The following PDGFA variants were observed in gnomAD, a reference collection of about 807,000 sequenced individuals.
PDGFA encodes the protein platelet-derived growth factor subunit A.
PDGFA carries 9 observed loss-of-function variants against 25.6 expected under a neutral mutation model. That is an observed-to-expected ratio of 0.35 (90% CI 0.21 to 0.61). The LOEUF (loss-of-function observed/expected upper bound fraction) is 0.61. Ranked by LOEUF, PDGFA falls within the 20% of genes least tolerant of loss-of-function variation. The pLI is 0.75. For synonymous variants in PDGFA, 133 were observed against 111.8 expected (o/e 1.19, Z -1.20); for missense variants, 242 against 272.8 (o/e 0.89, Z 0.79).
At position 512,277 on chromosome 7, in the gene PDGFA, G is replaced by T. The variant is rs1435243079; in HGVS notation, c.265+74C>A. 5.8e-6 allele frequency: 8 copies of T among 1,389,146 alleles called. No homozygotes were observed. The East Asian group carries it at 1.9e-4, about 33-fold the overall frequency. The allele number at this position is 1,389,146 out of a possible 1,614,324, so 86.1% of individuals were successfully genotyped here. ...GGGCAGCTCCTCCCCACCCGGCCCT[G>T]CCCTGCCCATCGCGGCCTCCTGGAC... On this transcript the variant is annotated intron_variant, in intron 3 of 5. Coordinates refer to ENST00000402802, the Ensembl canonical transcript of PDGFA.
chr7:513,747 G>C (rs903580914), intron 2 of PDGFA, among the ~76,000 whole-genome samples: 4 of 152,018 alleles, frequency 2.6e-5, no homozygotes, highest in Non-Finnish European at 5.9e-5. Flanking sequence ...CAAACCAACC[G>C]GAGAAACCTC....
exon 6 of PDGFA, chr7:497,960 A>C (rs1461551979): frequency 1.9e-3 from 159 of 81,724 alleles, no homozygotes; most frequent in African/African-American, 3.0e-3. Context: ...AAAAAAAAAC[A>C]AAAAAAAAAA....
At chr7:508,104 C>T (rs946443972) in intron 4 of PDGFA, among the ~76,000 whole-genome samples, 12 of 152,116 alleles carry the variant, frequency 7.9e-5, no homozygotes, top group Non-Finnish European at 1.6e-4. Flanking sequence ...AGTGCCCGGT[C>T]GTGTGACGAG....
rs1783178926 is a variant in PDGFA at position 517,823 on chromosome 7, G to A, written c.64-333C>T. ...CAGAAGGTCTAGGGGGCAGCGAGGG[G>A]GCCGAAAGTTTCTGATTTAATAGTG... On this transcript the variant is annotated intron_variant, in intron 1 of 5. Coordinates refer to ENST00000402802, the Ensembl canonical transcript of PDGFA. The surrounding 1 kb of genome is among the most constrained non-coding windows in gnomAD (Gnocchi z 7.4). Among the ~76,000 whole-genome samples, 1 of 152,038 alleles carries A rather than the reference G, an allele frequency of 6.6e-6. No homozygotes were observed. Among genetic ancestry groups the A allele is most frequent in the African/African-American group, 2.4e-5 (1 of 41,388 alleles).
chr7:517,602 GCCGC>G lies in PDGFA; in HGVS notation c.64-116_64-113del, dbSNP rs1783168936. On this transcript the variant is annotated intron_variant, in intron 1 of 5. Coordinates refer to ENST00000402802, the Ensembl canonical transcript of PDGFA. This position sits in a 1 kb window ranked among gnomAD's most constrained non-coding sequence, Gnocchi z 7.4. ...GCCCGAGGAGACCCCGCGAGCGCCGGCCGCAGTCCCCGCCCCAGCCCCCGCGGAG... is the reference window on the plus strand; with the variant it reads ...GCCCGAGGAGACCCCGCGAGCGCCGGAGTCCCCGCCCCAGCCCCCGCGGAG... 1.0e-5 allele frequency: 2 copies of G among 199,398 alleles called. No individual in the cohort carries two copies. The highest frequency in any genetic ancestry group is 3.1e-4 in the South Asian group (2 of 6,496). The allele number at this position is 199,398 out of a possible 1,614,324, so 12.4% of individuals were successfully genotyped here.
intron 4 of PDGFA, among the ~76,000 whole-genome samples, chr7:507,238 G>A (rs527377265): frequency 2.0e-5 from 3 of 152,236 alleles, no homozygotes; most frequent in Non-Finnish European, 2.9e-5. Flanking sequence ...TCCCAGAAGC[G>A]GGAACATGAA....
intron 4 of PDGFA, among the ~76,000 whole-genome samples, chr7:503,408 C>T (rs1782434088): frequency 6.6e-6 from 1 of 152,120 alleles, no homozygotes; most frequent in African/African-American, 2.4e-5. Context: ...GGCCGGGTCA[C>T]CCCCTGAGCA....
In PDGFA at chr7:517,777, CT is replaced by C. The variant is rs1279595007; in HGVS notation, c.64-288del. ...GACAAAAGCCCCCGCACTCCGGCCC[CT>C]CCACCCGGGGTGTCAGTTACAGAAG... On this transcript the variant is annotated intron_variant, in intron 1 of 5. Coordinates refer to ENST00000402802, the Ensembl canonical transcript of PDGFA. This position sits in a 1 kb window ranked among gnomAD's most constrained non-coding sequence, Gnocchi z 7.4. Among the ~76,000 whole-genome samples, 1 of 151,974 alleles carries C rather than the reference CT, an allele frequency of 6.6e-6. No homozygotes were observed. The highest frequency in any genetic ancestry group is 2.4e-5 in the African/African-American group (1 of 41,378).
intron 3 of PDGFA, among the ~76,000 whole-genome samples, chr7:512,094 C>T (rs1782878646): frequency 6.6e-6 from 1 of 152,204 alleles, no homozygotes. Context: ...CTCTCTTGGC[C>T]CAGACCAGGA....
At chr7:511,554 G>C (rs1013108644) in intron 3 of PDGFA, among the ~76,000 whole-genome samples, 1 of 152,172 alleles carries the variant, frequency 6.6e-6, no homozygotes, top group Non-Finnish European at 1.5e-5. Context: ...GCTTGCATCA[G>C]CTGGGACTAG....
rs898137020 is a variant in PDGFA at position 500,577 on chromosome 7, C to T, written c.580+539G>A. 5.0e-6 allele frequency: 8 copies of T among 1,608,344 alleles called. No homozygotes were observed. The highest frequency in any genetic ancestry group is 6.8e-6 in the Non-Finnish European group (8 of 1,178,084). ...GAAGAACTGAAGCAACAAATACCTA[C>T]GGCATTTGTTTATCTTTCCAGAAGA... On this transcript the variant is annotated intron_variant, in intron 5 of 5. Transcript: ENST00000402802. The surrounding 1 kb of genome is among the most constrained non-coding windows in gnomAD (Gnocchi z 5.0).
At chr7:515,506 C>G (rs924164075) in intron 2 of PDGFA, among the ~76,000 whole-genome samples, 4 of 152,174 alleles carry the variant, frequency 2.6e-5, no homozygotes, top group Non-Finnish European at 5.9e-5. Flanking sequence ...GGGGAGGGGA[C>G]TGGACAGGAC....
chr7:499,706 T>G (rs1782238550), intron 5 of PDGFA, among the ~76,000 whole-genome samples: 2 of 135,188 alleles, frequency 1.5e-5, no homozygotes, highest in African/African-American at 5.8e-5. Context: ...TCTCTAAGGG[T>G]GTTATTTTGC....
chr7:507,466 A>T (rs2128396942), intron 4 of PDGFA, among the ~76,000 whole-genome samples: 1 of 152,320 alleles, frequency 6.6e-6, no homozygotes, highest in African/African-American at 2.4e-5. Flanking sequence ...GGAAGCCTCT[A>T]GACCCCACCC....
In PDGFA at chr7:500,402, G is replaced by C. The variant is rs1001488105; in HGVS notation, c.580+714C>G. The C allele has an allele frequency of 6.2e-7, 1 of 1,611,098 alleles. No homozygotes were observed. The highest frequency in any genetic ancestry group is 8.5e-7 in the Non-Finnish European group (1 of 1,177,236). On this transcript the variant is annotated intron_variant, in intron 5 of 5. Transcript: ENST00000402802. The surrounding 1 kb of genome is among the most constrained non-coding windows in gnomAD (Gnocchi z 5.0). Reference sequence around the variant, plus strand: ...TCAGTTGCACCTCCCCGCCCTGCAGGACTCAGTGTGTCCGGCAGACAGTCC... The same window carrying C: ...TCAGTTGCACCTCCCCGCCCTGCAGCACTCAGTGTGTCCGGCAGACAGTCC...
chr7:509,103 G>T (rs1782690796), intron 4 of PDGFA, among the ~76,000 whole-genome samples: 1 of 152,212 alleles, frequency 6.6e-6, no homozygotes, highest in Admixed American at 6.5e-5. Flanking sequence ...ATGAGCCCCA[G>T]GGCCTCAGCA....
intron 4 of PDGFA, among the ~76,000 whole-genome samples, chr7:504,249 C>T (rs988859066): frequency 2.0e-5 from 3 of 152,040 alleles, no homozygotes; most frequent in Non-Finnish European, 2.9e-5. Flanking sequence ...CCACCACAGG[C>T]AGAGAGTGGG....
intron 4 of PDGFA, among the ~76,000 whole-genome samples, chr7:507,704 G>A (rs1021938345): frequency 2.6e-5 from 4 of 152,204 alleles, no homozygotes; most frequent in Non-Finnish European, 5.9e-5. Context: ...GAGCTCACAA[G>A]GGCCTCCAAA....
chr7:513,642 AAT>A (rs1307969725), intron 2 of PDGFA, among the ~76,000 whole-genome samples: 1 of 152,162 alleles, frequency 6.6e-6, no homozygotes, highest in East Asian at 1.9e-4. Context: ...CCCGGTCACC[AAT>A]CCAGACGGCT....
Sources: gnomAD v4.1 joint callset for allele counts (sites outside exome capture counted in the v4.1 genomes callset) on GRCh38, gnomAD v4.1.1 for gene constraint, Gnocchi (gnomAD v3.1) non-coding constraint, MANE v1.5 for transcripts, NCBI Gene and HGNC (gene_info 2026-07-23, HGNC 2026-07-21) for gene names.